Variants in EFCAB11 observed in about 807,000 individuals in gnomAD.
EFCAB11 encodes the protein EF-hand calcium-binding domain-containing protein 11.
A neutral mutation model predicts 23.0 loss-of-function variants in EFCAB11; 14 were observed. The observed-to-expected ratio is 0.61, with a 90% CI of 0.40 to 0.95. The LOEUF (loss-of-function observed/expected upper bound fraction) is 0.95, where lower values mean the gene tolerates loss of function less well. Ranked by LOEUF, EFCAB11 falls within the 40% of genes least tolerant of loss-of-function variation. The pLI, the probability that EFCAB11 is intolerant of heterozygous loss-of-function variation, is 0.00. For synonymous variants in EFCAB11, 65 were observed against 66.6 expected (o/e 0.98, Z 0.11); for missense variants, 198 against 195.8 (o/e 1.01, Z -0.07).
At chr14:89,863,563 C>T (rs1887995363) in intron 5 of EFCAB11, among the ~76,000 whole-genome samples, 4 of 152,196 alleles carry the variant, frequency 2.6e-5, no homozygotes, top group Admixed American at 2.6e-4. Context: ...TGAACTGCTA[C>T]TTTTTATTTT....
Position 89,834,904 on chromosome 14 carries a change from G to A in EFCAB11, c.411-37580C>T, listed in dbSNP as rs114188554. 3.9e-3 allele frequency among the ~76,000 whole-genome samples: 595 copies of A among 152,284 alleles called. 4 individuals carry two copies. The highest frequency in any genetic ancestry group is 0.013 in the African/African-American group (556 of 41,542). On this transcript the variant is annotated intron_variant, in intron 5 of 5. Coordinates refer to ENST00000316738, the MANE Select transcript of EFCAB11 (RefSeq NM_145231.4). ...ATGGTGGAAGGATTTGTCTGGGGCT[G>A]GGAGATAGGAGAAATAGTACCCCTG... is the stretch of plus-strand genomic sequence containing the variant.
intron 5 of EFCAB11, among the ~76,000 whole-genome samples, chr14:89,927,868 C>T (rs745827625): frequency 6.6e-6 from 1 of 151,946 alleles, no homozygotes; most frequent in African/African-American, 2.4e-5. Flanking sequence ...ATTACAGGCG[C>T]CCACCACCAC....
rs552516375 is a variant in EFCAB11 at position 89,798,212 on chromosome 14, C to A, written c.411-888G>T. 2.0e-5 allele frequency among the ~76,000 whole-genome samples: 3 copies of A among 152,212 alleles called. No homozygotes were observed. The South Asian group carries it at 6.2e-4, about 32-fold the overall frequency. ...CTTTCTGAATATTTCATGCCAAAGT[C>A]TCTGAAGTCTATAATGGTTCTGGAT... On this transcript the variant is annotated intron_variant, in intron 5 of 5. Transcript: ENST00000316738.
At chr14:89,841,996 T>C (rs531409405) in intron 5 of EFCAB11, among the ~76,000 whole-genome samples, 1 of 152,248 alleles carries the variant, frequency 6.6e-6, no homozygotes, top group South Asian at 2.1e-4. Flanking sequence ...TCCTTCTCTC[T>C]AAACCTGCGC....
At chr14:89,872,627 C>T (rs1888316419) in intron 5 of EFCAB11, among the ~76,000 whole-genome samples, 4 of 152,054 alleles carry the variant, frequency 2.6e-5, no homozygotes, top group Non-Finnish European at 4.4e-5. Flanking sequence ...GAATTGTGTC[C>T]CCCAAAAACT....
intron 5 of EFCAB11, among the ~76,000 whole-genome samples, chr14:89,814,571 G>T (rs1886266193): frequency 6.6e-6 from 1 of 152,076 alleles, no homozygotes; most frequent in African/African-American, 2.4e-5. Flanking sequence ...TGGCGTGGTG[G>T]TGCATGCCTG....
intron 5 of EFCAB11, among the ~76,000 whole-genome samples, chr14:89,925,668 TGGAG>T: frequency 6.7e-6 from 1 of 149,616 alleles, no homozygotes. Flanking sequence ...TTTTTTGAGA[TGGAG>T]TCTTGCTCTG....
chr14:89,896,306 C>T (rs1167545988), intron 5 of EFCAB11, among the ~76,000 whole-genome samples: 1 of 151,972 alleles, frequency 6.6e-6, no homozygotes, highest in Non-Finnish European at 1.5e-5. Context: ...AGGAGAACGG[C>T]GTGAACCCGG....
At chr14:89,828,915 A>G (rs1216571254) in intron 5 of EFCAB11, among the ~76,000 whole-genome samples, 1 of 152,208 alleles carries the variant, frequency 6.6e-6, no homozygotes, top group Non-Finnish European at 1.5e-5. Flanking sequence ...CAGTGCCACC[A>G]TAGCTCAGCA....
chr14:89,881,611 C>T (rs1416114213), intron 5 of EFCAB11, among the ~76,000 whole-genome samples: 1 of 151,036 alleles, frequency 6.6e-6, no homozygotes, highest in Non-Finnish European at 1.5e-5. Flanking sequence ...CCACACCTGG[C>T]TAATTTTTGT....
intron 5 of EFCAB11, 50 bp from the exon 6 acceptor site, chr14:89,797,374 A>C: frequency 6.7e-7 from 1 of 1,484,522 alleles, no homozygotes; most frequent in Non-Finnish European, 9.3e-7. Flanking sequence ...GTTAACACCT[A>C]TGCACCGAGA....
At chr14:89,930,899 C>A (rs554611962) in intron 5 of EFCAB11, 1 of 152,252 alleles carries the variant, frequency 6.6e-6, no homozygotes, top group Non-Finnish European at 1.5e-5. Flanking sequence ...GACAGCTCTG[C>A]TGTGTTCTCA....
At chr14:89,844,095 A>G (rs1887356013) in intron 5 of EFCAB11, among the ~76,000 whole-genome samples, 1 of 152,264 alleles carries the variant, frequency 6.6e-6, no homozygotes, top group South Asian at 2.1e-4. Context: ...GTGTACCAGT[A>G]AAACAGTGGC....
intron 5 of EFCAB11, among the ~76,000 whole-genome samples, chr14:89,874,954 A>G (rs1260311921): frequency 6.6e-6 from 1 of 152,054 alleles, no homozygotes; most frequent in Admixed American, 6.5e-5. Context: ...TTCTTCCACC[A>G]GATACCCTAA....
At chr14:89,929,617 T>C (rs566241970) in intron 5 of EFCAB11, among the ~76,000 whole-genome samples, 8 of 152,050 alleles carry the variant, frequency 5.3e-5, no homozygotes, top group Non-Finnish European at 1.2e-4. Context: ...AATTCCTGAC[T>C]TCAGGTGATC....
intron 5 of EFCAB11, among the ~76,000 whole-genome samples, chr14:89,888,053 G>A (rs1292926981): frequency 6.6e-6 from 1 of 152,174 alleles, no homozygotes; most frequent in Admixed American, 6.5e-5. Context: ...TACTGAGGTA[G>A]ATAATACGGC....
At chr14:89,822,361 T>C (rs572631877) in intron 5 of EFCAB11, among the ~76,000 whole-genome samples, 1 of 152,368 alleles carries the variant, frequency 6.6e-6, no homozygotes, top group African/African-American at 2.4e-5. Context: ...CGTGCTTGTT[T>C]TCTTCCCCTG....
At chr14:89,951,492 T>C (rs577356050) in intron 2 of EFCAB11, among the ~76,000 whole-genome samples, 1 of 152,340 alleles carries the variant, frequency 6.6e-6, no homozygotes, top group African/African-American at 2.4e-5. Context: ...TTGGTATCTA[T>C]CACAGTTTTA....
At chr14:89,805,758 T>C (rs1885947744) in intron 5 of EFCAB11, among the ~76,000 whole-genome samples, 1 of 152,120 alleles carries the variant, frequency 6.6e-6, no homozygotes, top group African/African-American at 2.4e-5. Context: ...TAAGGCAGTC[T>C]GAAATGGATT....
Sources: gnomAD v4.1 joint callset for allele counts (sites outside exome capture counted in the v4.1 genomes callset) on GRCh38, gnomAD v4.1.1 for gene constraint, MANE v1.5 for transcripts, NCBI Gene and HGNC (gene_info 2026-07-23, HGNC 2026-07-21) for gene names.